The following AUTS2 variants were observed in gnomAD, a reference collection of about 807,000 sequenced individuals.
The protein encoded by AUTS2 is autism susceptibility gene 2 protein.
Under a neutral mutation model 112.4 loss-of-function variants are expected in AUTS2, and 17 were observed. The observed-to-expected ratio is 0.15, with a 90% CI of 0.10 to 0.23. AUTS2 has a LOEUF of 0.23. AUTS2 is among the 10% of genes least tolerant of loss of function. AUTS2 has a pLI of 1.00. For synonymous variants in AUTS2, 751 were observed against 702.7 expected (o/e 1.07, Z -1.09); for missense variants, 1,510 against 1,701.6 (o/e 0.89, Z 1.98).
intron 1 of AUTS2, among the ~76,000 whole-genome samples, chr7:69,861,403 A>C (rs945469198): frequency 6.6e-6 from 1 of 152,126 alleles, no homozygotes; most frequent in African/African-American, 2.4e-5. Context: ...GTTCCCTATA[A>C]AGCAGCCTGT....
chr7:70,607,971 A>G (rs1803872598), intron 5 of AUTS2, among the ~76,000 whole-genome samples: 1 of 152,220 alleles, frequency 6.6e-6, no homozygotes, highest in Non-Finnish European at 1.5e-5. Context: ...ACAAATAGTC[A>G]TATGATACGA....
rs773510064 is a variant in AUTS2, at chr7:70,766,432, C to G, written c.1689+98C>G. ...GCTGGGCAGCGGGGCCACCAGAGAT[C>G]GAATGGGGACTGACGGCTGTTGGCT... On this transcript the variant is annotated intron_variant, in intron 9 of 18. Transcript: ENST00000342771. This position sits in a 1 kb window ranked among gnomAD's most constrained non-coding sequence, Gnocchi z 4.8. The G allele has an allele frequency of 1.4e-6, 2 of 1,420,954 alleles. No individual in the cohort carries two copies. Among genetic ancestry groups the G allele is most frequent in the Non-Finnish European group, 1.9e-6 (2 of 1,031,686 alleles). 88.0% of individuals were successfully genotyped at this position (1,420,954 alleles called of 1,614,324 possible).
chr7:70,019,893 T>A (rs1178302377), intron 2 of AUTS2, among the ~76,000 whole-genome samples: 1 of 152,256 alleles, frequency 6.6e-6, no homozygotes, highest in Non-Finnish European at 1.5e-5. Context: ...CCATTGGGTC[T>A]GTTACAGCTT....
At chr7:70,680,175 A>G (rs1808135228) in intron 5 of AUTS2, among the ~76,000 whole-genome samples, 1 of 152,330 alleles carries the variant, frequency 6.6e-6, no homozygotes, top group Middle Eastern at 3.4e-3. Flanking sequence ...TAGAAATTAT[A>G]AACTCTAAGA....
Position 70,245,759 on chromosome 7 carries a change from A to G in AUTS2, c.660+111188A>G, listed in dbSNP as rs1812891213. Among the ~76,000 whole-genome samples the G allele has an allele frequency of 2.0e-5, 3 of 152,120 alleles. No homozygotes were observed. In the South Asian group the frequency reaches 6.2e-4, roughly 32 times the overall value. ...ATATCCTTGAAATTTACTTAGCATT[A>G]GAATTGCTTGGGTTTAGGGTATGCA... On this transcript the variant is annotated intron_variant, in intron 4 of 18. Transcript: ENST00000342771.
At chr7:70,147,837 A>T (rs1319210638) in intron 4 of AUTS2, among the ~76,000 whole-genome samples, 3 of 152,126 alleles carry the variant, frequency 2.0e-5, no homozygotes, top group Non-Finnish European at 4.4e-5. Flanking sequence ...AAGCATGATC[A>T]CTGAATGGCA....
chr7:69,719,101 C>CAGTT (rs1264654577), intron 1 of AUTS2, among the ~76,000 whole-genome samples: 2 of 152,186 alleles, frequency 1.3e-5, no homozygotes, highest in Non-Finnish European at 2.9e-5. Flanking sequence ...CCTCTTTGAA[C>CAGTT]AGTTCTGTTT....
At chr7:69,720,168 T>A (rs1018363399) in intron 1 of AUTS2, among the ~76,000 whole-genome samples, 1 of 152,222 alleles carries the variant, frequency 6.6e-6, no homozygotes, top group African/African-American at 2.4e-5. Flanking sequence ...CAATTATGTC[T>A]GGAATCTCAG....
At chr7:69,648,332 C>A (rs1484577865) in intron 1 of AUTS2, among the ~76,000 whole-genome samples, 1 of 152,004 alleles carries the variant, frequency 6.6e-6, no homozygotes, top group African/African-American at 2.4e-5. Flanking sequence ...AGAAGTAAAA[C>A]ATTACCAGTA....
intron 6 of AUTS2, among the ~76,000 whole-genome samples, chr7:70,722,731 A>C (rs1786768332): frequency 6.6e-6 from 1 of 152,152 alleles, no homozygotes; most frequent in Admixed American, 6.5e-5. Flanking sequence ...ATTCTTAAGA[A>C]TTTTTACGTG....
chr7:69,650,917 C>T (rs1795259719), intron 1 of AUTS2, among the ~76,000 whole-genome samples: 1 of 152,198 alleles, frequency 6.6e-6, no homozygotes, highest in Non-Finnish European at 1.5e-5. Flanking sequence ...GTGCAAGTCG[C>T]CCGTGCTATG....
intron 1 of AUTS2, among the ~76,000 whole-genome samples, chr7:69,834,027 A>C (rs1247481319): frequency 6.6e-6 from 1 of 152,292 alleles, no homozygotes; most frequent in East Asian, 1.9e-4. Context: ...CAGCTAGGTC[A>C]TGAACCACTG....
At chr7:70,182,135 C>T (rs1241543950) in intron 4 of AUTS2, among the ~76,000 whole-genome samples, 1 of 152,142 alleles carries the variant, frequency 6.6e-6, no homozygotes, top group Non-Finnish European at 1.5e-5. Context: ...TTAATCATTA[C>T]TGTTATTGTC....
intron 5 of AUTS2, among the ~76,000 whole-genome samples, chr7:70,634,686 C>G (rs1218839893): frequency 6.6e-6 from 1 of 152,178 alleles, no homozygotes; most frequent in African/African-American, 2.4e-5. Flanking sequence ...TGCATATGGA[C>G]CCACATCCTC....
At chr7:70,184,181 T>C (rs1584848721) in intron 4 of AUTS2, among the ~76,000 whole-genome samples, 1 of 152,196 alleles carries the variant, frequency 6.6e-6, no homozygotes, top group Non-Finnish European at 1.5e-5. Flanking sequence ...ATCTTTTTGC[T>C]GGAGAACGTA....
intron 1 of AUTS2, among the ~76,000 whole-genome samples, chr7:69,711,644 A>G (rs1054225556): frequency 6.6e-6 from 1 of 152,162 alleles, no homozygotes; most frequent in Non-Finnish European, 1.5e-5. Context: ...CTTCCTTCCT[A>G]ACAAATTTTC....
At chr7:69,990,379 G>A (rs1041767670) in intron 2 of AUTS2, among the ~76,000 whole-genome samples, 5 of 152,072 alleles carry the variant, frequency 3.3e-5, no homozygotes, top group Non-Finnish European at 4.4e-5. Context: ...CTATTTGATT[G>A]GTTTTAAAAT....
intron 1 of AUTS2, among the ~76,000 whole-genome samples, chr7:69,820,837 G>A (rs1231845699): frequency 3.3e-5 from 5 of 152,076 alleles, no homozygotes; most frequent in Non-Finnish European, 7.4e-5. Context: ...CACACACTCC[G>A]GACAAGAAAA....
intron 4 of AUTS2, among the ~76,000 whole-genome samples, chr7:70,170,767 G>A (rs1389602459): frequency 1.3e-5 from 2 of 151,640 alleles, no homozygotes; most frequent in East Asian, 1.9e-4. Flanking sequence ...GCCACCACGC[G>A]TGGCTAATTT....
Sources: allele counts gnomAD v4.1 joint callset (sites outside exome capture counted in the v4.1 genomes callset), GRCh38; gene constraint gnomAD v4.1.1; non-coding constraint Gnocchi (gnomAD v3.1); transcripts MANE v1.5; gene names NCBI Gene and HGNC (gene_info 2026-07-23, HGNC 2026-07-21).